Variants in SDSL observed in about 807,000 individuals in gnomAD.
SDSL encodes the protein serine dehydratase like, also known as serine dehydratase-like.
Under a neutral mutation model 27.6 loss-of-function variants are expected in SDSL, and 26 were observed. The observed-to-expected ratio is 0.94, with a 90% CI of 0.69 to 1.31. The LOEUF (loss-of-function observed/expected upper bound fraction) is 1.31. Among genes scored for constraint, SDSL ranks in the 50% most tolerant of loss-of-function variants. SDSL has a pLI of 0.00. For missense variants in SDSL, 431 were observed against 423.5 expected, an observed-to-expected ratio of 1.02 and a Z score of -0.16; for synonymous variants, 196 against 180.6, an observed-to-expected ratio of 1.09 and a Z score of -0.69.
chr12:113,426,227 G>C (rs891613449), intron 1 of SDSL: 4 of 455,666 alleles, frequency 8.8e-6, no homozygotes, highest in Non-Finnish European at 1.8e-5. Flanking sequence ...CCTGGCTGCT[G>C]TTCTCTGTAG....
At chr12:113,429,098 G>T in intron 3 of SDSL, 62 bp from the exon 4 acceptor site, 1 of 1,563,838 alleles carries the variant, frequency 6.4e-7, no homozygotes, top group South Asian at 1.2e-5. Context: ...TGGAGGGGGA[G>T]GGGAAGGCAT....
intron 1 of SDSL, among the ~76,000 whole-genome samples, chr12:113,427,495 G>C (rs1158091059): frequency 6.6e-6 from 1 of 152,178 alleles, no homozygotes; most frequent in African/African-American, 2.4e-5. Context: ...TTTTCCTCCT[G>C]AGAGATGTCT....
chr12:113,434,213 C>T lies in SDSL; in HGVS notation c.434C>T (p.Pro145Leu), dbSNP rs777320300. 1 of 1,612,688 alleles carries T rather than the reference C, an allele frequency of 6.2e-7. No individual in the cohort carries two copies. Among genetic ancestry groups the T allele is most frequent in the South Asian group, 1.1e-5 (1 of 90,818 alleles). Residue 145 changes from proline (P) to leucine (L), a missense_variant, in exon 5 of 8, where the codon CCC becomes CTC. Pro to Leu is a moderately conservative substitution (Grantham distance 98). Transcript: ENST00000403593. ...GWENVPPFDHPLIWKGHASLV... is the reference protein window; with the variant it reads ...GWENVPPFDHLLIWKGHASLV... ...GAGAATGTCCCCCCGTTTGACCACC[C>T]CCTAATATGGTAAGGCTGACGCCCC...
intron 1 of SDSL, among the ~76,000 whole-genome samples, chr12:113,427,656 A>G (rs1183444783): frequency 6.6e-6 from 1 of 152,104 alleles, no homozygotes; most frequent in Non-Finnish European, 1.5e-5. Flanking sequence ...CTGAATAAGT[A>G]TTTTTTGACT....
chr12:113,435,314 A>G lies in SDSL; in HGVS notation c.444-15A>G, dbSNP rs753330135. On this transcript the variant is annotated splice_polypyrimidine_tract_variant and intron_variant, in intron 5 of 7. Transcript: ENST00000403593. ...CTCCCTCACTCTGCTTCTCCCTCTCACCCCCCCTCCCCAGGAAAGGCCACG... is the reference window on the plus strand; with the variant it reads ...CTCCCTCACTCTGCTTCTCCCTCTCGCCCCCCCTCCCCAGGAAAGGCCACG... The G allele has an allele frequency of 1.1e-5, 16 of 1,479,112 alleles. No homozygotes were observed. The highest frequency in any genetic ancestry group is 1.4e-5 in the Non-Finnish European group (16 of 1,109,940). 91.6% of individuals were successfully genotyped at this position (1,479,112 alleles called of 1,614,324 possible).
intron 6 of SDSL, among the ~76,000 whole-genome samples, chr12:113,436,150 G>A (rs1343350393): frequency 6.6e-6 from 1 of 151,960 alleles, no homozygotes; most frequent in Non-Finnish European, 1.5e-5. Flanking sequence ...CCCCCCAAAA[G>A]CCAATAAATT....
At chr12:113,430,522 C>T (rs1284100234) in intron 4 of SDSL, among the ~76,000 whole-genome samples, 2 of 152,174 alleles carry the variant, frequency 1.3e-5, no homozygotes, top group Non-Finnish European at 2.9e-5. Context: ...CAGATGTCCC[C>T]TGTGTCTTCC....
rs115349030 is a variant in SDSL at position 113,423,549 on chromosome 12, C to T, written c.-22+1072C>T. Among the ~76,000 whole-genome samples the T allele has an allele frequency of 1.6e-3, 248 of 152,232 alleles. 1 individual carries two copies. The highest frequency in any genetic ancestry group is 5.8e-3 in the African/African-American group (241 of 41,544). ...CCTGAGGCCAGGAGTTCAAGACCAG[C>T]CTGGACAACTCAGCAAAACTGCATC... On this transcript the variant is annotated intron_variant, in intron 1 of 7. Transcript: ENST00000403593.
intron 4 of SDSL, 85 bp from the exon 5 acceptor site, chr12:113,434,049 C>T: frequency 8.9e-7 from 1 of 1,125,758 alleles, no homozygotes; most frequent in East Asian, 2.4e-5. Context: ...GATCCTGGGG[C>T]CACCAAGGAG....
chr12:113,428,574 A>C, intron 3 of SDSL, 115 bp downstream of exon 3: 4 of 789,024 alleles, frequency 5.1e-6, no homozygotes, highest in South Asian at 1.8e-5. Flanking sequence ...CATCAAGGTC[A>C]TTGATGAGAT....
At chr12:113,429,435 C>A in intron 4 of SDSL, 136 bp downstream of exon 4, 1 of 989,602 alleles carries the variant, frequency 1.0e-6, no homozygotes, top group East Asian at 2.6e-5. Flanking sequence ...GATAGCTGAG[C>A]TGAGGGGGGA....
chr12:113,432,868 G>T (rs146036752), intron 4 of SDSL, among the ~76,000 whole-genome samples: 6 of 152,132 alleles, frequency 3.9e-5, no homozygotes, highest in African/African-American at 1.2e-4. Flanking sequence ...TTGTGGCTGC[G>T]TAGTGTTCCA....
chr12:113,425,752 G>A (rs1367931689), intron 1 of SDSL: 2 of 455,662 alleles, frequency 4.4e-6, no homozygotes, highest in South Asian at 1.6e-5. Flanking sequence ...CAGCACTTCG[G>A]GAGGCCGAGG....
chr12:113,428,602 C>T (rs1403128987), intron 3 of SDSL, 143 bp downstream of exon 3: 3 of 663,470 alleles, frequency 4.5e-6, no homozygotes, highest in African/African-American at 3.6e-5. Context: ...GTGTACATCC[C>T]ATCCTAGCCT....
intron 6 of SDSL, among the ~76,000 whole-genome samples, chr12:113,436,488 A>G (rs1957995538): frequency 6.6e-6 from 1 of 152,108 alleles, no homozygotes; most frequent in African/African-American, 2.4e-5. Flanking sequence ...GGGTTTCACC[A>G]TGTTGGTCAG....
Position 113,436,844 on chromosome 12 carries a change from C to G in SDSL, c.765C>G (p.Thr255=). The G allele has an allele frequency of 1.2e-6, 2 of 1,610,874 alleles. No homozygotes were observed. The highest frequency in any genetic ancestry group is 2.2e-5 in the East Asian group (1 of 44,784). The change falls in exon 7 of 8, where the codon ACC becomes ACG. Residue 255 remains threonine (T), a synonymous_variant. Transcript: ENST00000403593. ...CKIHSEVVED[T]EAVSAVQQLL... ...TTCACTCTGAAGTGGTGGAGGACAC[C>G]GAGGCTGTGAGCGCTGTGCAGCAGC...
chr12:113,428,795 AT>A (rs1181616550), intron 3 of SDSL, among the ~76,000 whole-genome samples: 1 of 151,638 alleles, frequency 6.6e-6, no homozygotes, highest in African/African-American at 2.4e-5. Context: ...TATTAGCTTT[AT>A]TTTTAGGTGG....
intron 3 of SDSL, 38 bp downstream of exon 3, chr12:113,428,497 G>C (rs1957878554): frequency 1.4e-5 from 22 of 1,595,146 alleles, no homozygotes; most frequent in African/African-American, 2.7e-5. Flanking sequence ...GCAGAGGTTG[G>C]GGGAGGAGGA....
rs1957939193 is a variant in SDSL at position 113,432,269 on chromosome 12, TTTCTTTCTTTC to T, written c.355-1862_355-1852del. Among the ~76,000 whole-genome samples, 20 of 142,272 alleles carry T rather than the reference TTTCTTTCTTTC, an allele frequency of 1.4e-4. 2 individuals carry two copies. The South Asian group carries it at 4.6e-3, about 33-fold the overall frequency. The allele number at this position is 142,272 out of a possible 152,430, so 93.3% of individuals were successfully genotyped here. A position where few individuals can be genotyped will look rare whatever the true frequency, so the allele number is the denominator to read the frequency against. Reference sequence around the variant, plus strand: ...CTTTCTTTCTTTCTTTCTTTCTTTCTTTCTTTCTTTCTTTCTTTCTTTCTCTCTCTCTCTTT... The same window carrying T: ...CTTTCTTTCTTTCTTTCTTTCTTTCTTTTCTTTCTTTCTCTCTCTCTCTTT... On this transcript the variant is annotated intron_variant, in intron 4 of 7. Coordinates refer to ENST00000403593, the MANE Select transcript of SDSL (RefSeq NM_001304993.2).
Sources: allele counts gnomAD v4.1 joint callset (sites outside exome capture counted in the v4.1 genomes callset), GRCh38; gene constraint gnomAD v4.1.1; transcripts MANE v1.5; gene names NCBI Gene and HGNC (gene_info 2026-07-23, HGNC 2026-07-21).